Variants in CNST observed in about 807,000 individuals in gnomAD.
CNST encodes consortin.
Under a neutral mutation model 72.4 loss-of-function variants are expected in CNST, and 39 were observed. The observed-to-expected ratio is 0.54, with a 90% CI of 0.42 to 0.70. The LOEUF is 0.70. CNST is among the 30% of genes least tolerant of loss of function. The probability of loss-of-function intolerance (pLI) is 0.00; values close to 1 mark genes in which losing one functional copy is unlikely to be tolerated. For missense variants in CNST, 871 were observed against 868.5 expected (o/e 1.00, Z -0.04); for synonymous variants, 332 against 320.1 (o/e 1.04, Z -0.40).
intron 3 of CNST, among the ~76,000 whole-genome samples, chr1:246,625,016 A>C (rs564785671): frequency 6.6e-6 from 1 of 152,312 alleles, no homozygotes; most frequent in South Asian, 2.1e-4. Context: ...AGTTGAAAGT[A>C]ATTTGCATTA....
chr1:246,577,117 A>T (rs2103006846), intron 1 of CNST, among the ~76,000 whole-genome samples: 1 of 152,204 alleles, frequency 6.6e-6, no homozygotes, highest in South Asian at 2.1e-4. Context: ...TAAGATGGGC[A>T]TCTTTCATTT....
In CNST at chr1:246,666,893, C is replaced by G. The variant is rs1667412093; in HGVS notation, c.*988C>G. 6.6e-6 allele frequency: 1 copy of G among 152,156 alleles called. No homozygotes were observed. The highest frequency in any genetic ancestry group is 1.5e-5 in the Non-Finnish European group (1 of 68,032). The allele number at this position is 152,156 out of a possible 1,614,324, so 9.4% of individuals were successfully genotyped here. On this transcript the variant is annotated 3_prime_UTR_variant, in exon 11 of 11. Coordinates refer to ENST00000366513, the MANE Select transcript of CNST (RefSeq NM_152609.3). The stretch of plus-strand genomic sequence containing the variant: ...ACCAGTACTTTGCTGAGTGAAATCA[C>G]CATATAGAATTCAGTATTAACAGAT...
chr1:246,621,487 A>C lies in CNST; in HGVS notation c.438A>C (p.Thr146=). 1 of 1,614,206 alleles carries C rather than the reference A, an allele frequency of 6.2e-7. No individual in the cohort carries two copies. The highest frequency in any genetic ancestry group is 8.5e-7 in the Non-Finnish European group (1 of 1,180,032). ...AAGAAAAAGTACTAAGCGCAGTCAC[A>C]TATGCTGTTGATGATGAAGAAGCTG... ...LMQEKVLSAV[T]YAVDDEEAAE... is the part of the protein sequence containing the mutation. The change falls in exon 3 of 11, where the codon ACA becomes ACC. Residue 146 remains threonine, a synonymous_variant. Coordinates refer to ENST00000366513, the MANE Select transcript of CNST (RefSeq NM_152609.3).
At chr1:246,605,310 TCA>T (rs1662642071) in intron 2 of CNST, among the ~76,000 whole-genome samples, 1 of 152,218 alleles carries the variant, frequency 6.6e-6, no homozygotes. Context: ...GCACGGTGAC[TCA>T]CACTTATAAT....
chr1:246,585,141 G>A (rs550884686), intron 1 of CNST, among the ~76,000 whole-genome samples: 1 of 152,216 alleles, frequency 6.6e-6, no homozygotes, highest in Admixed American at 6.5e-5. Context: ...AGGTCCCACC[G>A]CAAGGCCTGT....
chr1:246,606,957 C>CAGGG (rs1558552125), intron 2 of CNST: 1 of 148,584 alleles, frequency 6.7e-6, no homozygotes, highest in East Asian at 2.0e-4. Flanking sequence ...CTTAGGCAGG[C>CAGGG]GTATGTGGCA....
chr1:246,653,324 G>A (rs1392943384), intron 9 of CNST, among the ~76,000 whole-genome samples: 1 of 152,200 alleles, frequency 6.6e-6, no homozygotes, highest in Admixed American at 6.5e-5. Flanking sequence ...GCTGCTGTGG[G>A]ATTCTCTTGC....
rs149824111 is a variant in CNST, at chr1:246,577,384, T to C, written c.-52+10721T>C. ...TTTCTAGACCCTCTACTATCCTCTG[T>C]GTTTATTTTGAACTGAACTTTGGAT... On this transcript the variant is annotated intron_variant, in intron 1 of 10. Coordinates refer to ENST00000366513, the MANE Select transcript of CNST (RefSeq NM_152609.3). Among the ~76,000 whole-genome samples the C allele has an allele frequency of 3.9e-3, 595 of 152,178 alleles. 9 individuals carry two copies. The highest frequency in any genetic ancestry group is 0.014 in the African/African-American group (571 of 41,434).
chr1:246,657,863 G>T (rs536300033), intron 9 of CNST, among the ~76,000 whole-genome samples: 1 of 152,154 alleles, frequency 6.6e-6, no homozygotes, highest in Non-Finnish European at 1.5e-5. Flanking sequence ...TTTGATTTAT[G>T]GCTTGTATCC....
At chr1:246,659,594 CA>C (rs35795572) in intron 9 of CNST, among the ~76,000 whole-genome samples, 10,699 of 123,982 alleles carry the variant, frequency 0.086, 794 homozygotes, top group African/African-American at 0.23. Context: ...GACTCTGTCT[CA>C]AAAAAAAAAA....
chr1:246,584,626 T>A (rs1287747304), intron 1 of CNST, among the ~76,000 whole-genome samples: 1 of 152,168 alleles, frequency 6.6e-6, no homozygotes, highest in Non-Finnish European at 1.5e-5. Context: ...GAAGACAGTG[T>A]ATGAAACCAA....
intron 1 of CNST, among the ~76,000 whole-genome samples, chr1:246,570,612 G>C (rs1322051685): frequency 6.6e-6 from 1 of 152,180 alleles, no homozygotes; most frequent in Non-Finnish European, 1.5e-5. Context: ...GAGGATCAAA[G>C]ACAGAATTGG....
intron 2 of CNST, among the ~76,000 whole-genome samples, chr1:246,615,199 G>A (rs139155308): frequency 0.029 from 4,447 of 152,116 alleles, 217 homozygotes; most frequent in African/African-American, 0.1. Flanking sequence ...TCTTTGAGAC[G>A]GAGTCTCGCT....
chr1:246,605,921 G>T (rs962853680), intron 2 of CNST: 9 of 151,994 alleles, frequency 5.9e-5, no homozygotes, highest in African/African-American at 2.2e-4. Flanking sequence ...GCGGCCTTGC[G>T]CCTTGGGACT....
chr1:246,578,402 G>A (rs1660568298), intron 1 of CNST, among the ~76,000 whole-genome samples: 1 of 152,082 alleles, frequency 6.6e-6, no homozygotes, highest in Non-Finnish European at 1.5e-5. Flanking sequence ...GCTGGGCGTG[G>A]TGGCTCACGC....
Position 246,659,398 on chromosome 1 carries a change from T to C in CNST, c.1837-801T>C, listed in dbSNP as rs557622603. On this transcript the variant is annotated intron_variant, in intron 9 of 10. Transcript: ENST00000366513. ...TCACGAGGTCAGGAGATCGAGACCA[T>C]CCTGGCTAACTCGGTGAAACCCCGT... Among the ~76,000 whole-genome samples the C allele has an allele frequency of 3.0e-4, 45 of 152,184 alleles. No individual in the cohort carries two copies. In the East Asian group the frequency reaches 4.1e-3, roughly 14 times the overall value.
rs35604699 is a variant in CNST at position 246,627,292 on chromosome 1, A to G, written c.586-4602A>G. On this transcript the variant is annotated intron_variant, in intron 3 of 10. Coordinates refer to ENST00000366513, the MANE Select transcript of CNST (RefSeq NM_152609.3). The stretch of plus-strand genomic sequence containing the variant: ...ACCGTGGCCTACAAGGCCCTACATG[A>G]TCTTGTCCTGTTAGCCTCCTGGATC... Among the ~76,000 whole-genome samples the G allele has an allele frequency of 3.0e-3, 457 of 152,326 alleles. 3 individuals are homozygous for G. Among genetic ancestry groups the G allele is most frequent in the Admixed American group, 4.4e-3 (67 of 15,298 alleles).
Position 246,647,363 on chromosome 1 carries a change from G to C in CNST, c.1162G>C (p.Asp388His), listed in dbSNP as rs372867408. ...SETAGSPSGPDSSEDACEDDS... is the reference protein window; with the variant it reads ...SETAGSPSGPHSSEDACEDDS... ...GACAGCAGGGAGCCCGTCTGGGCCA[G>C]ACTCTTCTGAGGATGCTTGTGAGGA... Residue 388 changes from aspartate (D) to histidine (H), a missense_variant, in exon 9 of 11, where the codon GAC becomes CAC. Transcript: ENST00000366513. The C allele has an allele frequency of 5.6e-6, 9 of 1,614,058 alleles. No homozygotes were observed. In the African/African-American group the frequency reaches 6.7e-5, roughly 12 times the overall value.
At chr1:246,580,254 T>C (rs1660698055) in intron 1 of CNST, among the ~76,000 whole-genome samples, 1 of 152,206 alleles carries the variant, frequency 6.6e-6, no homozygotes, top group Non-Finnish European at 1.5e-5. Context: ...GAGAACTGTA[T>C]GTAGATTTCA....
Sources: allele counts gnomAD v4.1 joint callset (sites outside exome capture counted in the v4.1 genomes callset), GRCh38; gene constraint gnomAD v4.1.1; transcripts MANE v1.5; gene names NCBI Gene and HGNC (gene_info 2026-07-23, HGNC 2026-07-21).